Variants in COTL1 observed in about 807,000 individuals in gnomAD.
COTL1 encodes the protein coactosin like F-actin binding protein 1.
COTL1 carries 15 observed loss-of-function variants against 16.5 expected under a neutral mutation model. That is an observed-to-expected ratio of 0.91 (90% CI 0.61 to 1.40). COTL1 has a LOEUF of 1.40. Ranked by LOEUF, COTL1 falls within the 40% of genes most tolerant of loss-of-function variation. The pLI is 0.00. For synonymous variants in COTL1, 112 were observed against 85.3 expected (o/e 1.31, Z -1.73); for missense variants, 220 against 201.5 (o/e 1.09, Z -0.56).
chr16:84,617,127 C>T (rs1905507170), intron 2 of COTL1, among the ~76,000 whole-genome samples: 1 of 152,094 alleles, frequency 6.6e-6, no homozygotes, highest in South Asian at 2.1e-4. Context: ...AAGCAGCCCC[C>T]TAGCCTGTTC....
At chr16:84,570,833 C>G (rs1234535794) in intron 3 of COTL1, among the ~76,000 whole-genome samples, 1 of 152,208 alleles carries the variant, frequency 6.6e-6, no homozygotes, top group African/African-American at 2.4e-5. Flanking sequence ...GGTTAGAAAG[C>G]AAGTGTCTTA....
At chr16:84,606,801 C>T (rs1905219860) in intron 2 of COTL1, among the ~76,000 whole-genome samples, 1 of 152,214 alleles carries the variant, frequency 6.6e-6, no homozygotes, top group South Asian at 2.1e-4. Context: ...CTCCATGTTC[C>T]TCTTAGGGTC....
chr16:84,591,911 G>C (rs995184890), intron 2 of COTL1, among the ~76,000 whole-genome samples: 4 of 151,168 alleles, frequency 2.6e-5, no homozygotes, highest in African/African-American at 7.3e-5. Flanking sequence ...TGTGTGCATT[G>C]CATGTGTGTG....
chr16:84,593,144 A>G (rs1233155686), intron 2 of COTL1, among the ~76,000 whole-genome samples: 1 of 152,256 alleles, frequency 6.6e-6, no homozygotes, highest in East Asian at 1.9e-4. Context: ...CAGACTCTCA[A>G]CACGAGGCCA....
At chr16:84,580,449 C>T (rs1193574025) in intron 3 of COTL1, among the ~76,000 whole-genome samples, 4 of 152,262 alleles carry the variant, frequency 2.6e-5, no homozygotes, top group South Asian at 2.1e-4. Flanking sequence ...CAGGGTCTCA[C>T]TATATTGCCC....
chr16:84,586,951 G>C (rs770738411), intron 3 of COTL1, among the ~76,000 whole-genome samples: 3 of 152,170 alleles, frequency 2.0e-5, no homozygotes, highest in Non-Finnish European at 2.9e-5. Context: ...CTGCAATGTG[G>C]TGCCCCGTGT....
intron 3 of COTL1, among the ~76,000 whole-genome samples, chr16:84,585,583 G>C (rs1904700927): frequency 6.6e-6 from 1 of 152,128 alleles, no homozygotes; most frequent in Non-Finnish European, 1.5e-5. Flanking sequence ...GAAGTGACCT[G>C]GTCCCCAAGA....
chr16:84,586,058 G>A (rs533981966), intron 3 of COTL1, among the ~76,000 whole-genome samples: 1 of 152,312 alleles, frequency 6.6e-6, no homozygotes, highest in Non-Finnish European at 1.5e-5. Context: ...CCTCTTAAGA[G>A]ATTGACGGAC....
intron 2 of COTL1, among the ~76,000 whole-genome samples, chr16:84,606,744 G>A (rs1905218541): frequency 1.3e-5 from 2 of 152,190 alleles, no homozygotes; most frequent in Admixed American, 6.5e-5. Flanking sequence ...CAACCAATGG[G>A]GGATAAGAGT....
At chr16:84,587,987 G>C (rs1476189646) in intron 3 of COTL1, among the ~76,000 whole-genome samples, 1 of 151,970 alleles carries the variant, frequency 6.6e-6, no homozygotes. Flanking sequence ...GGCCAGGCTG[G>C]TCTCAAACTC....
In COTL1 at chr16:84,598,657, A is replaced by ACG. The variant is rs1555523933; in HGVS notation, c.161-8396_161-8395insCG. Among the ~76,000 whole-genome samples, 1,106 of 137,994 alleles carry ACG rather than the reference A, an allele frequency of 8.0e-3. 18 individuals carry two copies. Among genetic ancestry groups the ACG allele is most frequent in the African/African-American group, 0.028 (1,041 of 36,952 alleles). The allele number at this position is 137,994 out of a possible 152,430, so 90.5% of individuals were successfully genotyped here. A position where few individuals can be genotyped will look rare whatever the true frequency, so the allele number is the denominator to read the frequency against. The stretch of plus-strand genomic sequence containing the variant: ...CCTCCTCCTCCCCTTCTCCCCCCCA[A>ACG]CCCCCCCCACCAACCCCGACCTCTC... On this transcript the variant is annotated intron_variant, in intron 2 of 3. Transcript: ENST00000262428.
At chr16:84,581,955 C>T (rs1904603949) in intron 3 of COTL1, among the ~76,000 whole-genome samples, 1 of 151,228 alleles carries the variant, frequency 6.6e-6, no homozygotes. Context: ...CACAAAGAGC[C>T]TACATGAGCA....
At chr16:84,587,103 C>T (rs1424985956) in intron 3 of COTL1, among the ~76,000 whole-genome samples, 1 of 152,152 alleles carries the variant, frequency 6.6e-6, no homozygotes, top group Non-Finnish European at 1.5e-5. Context: ...CCTGCTGCCA[C>T]TCGGAAGACC....
intron 3 of COTL1, among the ~76,000 whole-genome samples, chr16:84,582,796 CA>C (rs1267501819): frequency 1.3e-5 from 2 of 152,120 alleles, no homozygotes; most frequent in African/African-American, 4.8e-5. Flanking sequence ...TAAGTGAAAA[CA>C]CAGAAATTCT....
intron 2 of COTL1, among the ~76,000 whole-genome samples, chr16:84,603,992 G>T (rs1014038803): frequency 9.4e-5 from 1 of 10,632 alleles, no homozygotes; most frequent in Non-Finnish European, 1.7e-4. Context: ...CTCCCTCCCT[G>T]ATGGCCCCCA....
intron 2 of COTL1, among the ~76,000 whole-genome samples, chr16:84,593,377 G>C (rs1179680309): frequency 2.6e-5 from 4 of 152,268 alleles, no homozygotes; most frequent in African/African-American, 9.6e-5. Flanking sequence ...GAGACCCCGA[G>C]GGGTGAGGGC....
rs188890951 is a variant in COTL1, at chr16:84,570,399, G to A, written c.319-3444C>T. Reference sequence around the variant, plus strand: ...TCAAATTATAATGAAACAAAAACAAGCAAAACAGACAGCAGATCTAGTAAA... The same window carrying A: ...TCAAATTATAATGAAACAAAAACAAACAAAACAGACAGCAGATCTAGTAAA... On this transcript the variant is annotated intron_variant, in intron 3 of 3. Coordinates refer to ENST00000262428, the MANE Select transcript of COTL1 (RefSeq NM_021149.5). 2.0e-3 allele frequency among the ~76,000 whole-genome samples: 304 copies of A among 151,360 alleles called. 2 individuals carry two copies. Among genetic ancestry groups the A allele is most frequent in the Admixed American group, 3.0e-3 (46 of 15,170 alleles).
In COTL1 at chr16:84,584,932, A is replaced by C. The variant is rs189450827; in HGVS notation, c.318+5173T>G. ...AGTGATGGAGCTGAAATTTGAACCC[A>C]CGCCATCTGGCTCCAAAGTCCACCG... On this transcript the variant is annotated intron_variant, in intron 3 of 3. Coordinates refer to ENST00000262428, the MANE Select transcript of COTL1 (RefSeq NM_021149.5). 3.8e-3 allele frequency among the ~76,000 whole-genome samples: 580 copies of C among 151,954 alleles called. 1 individual carries two copies. The highest frequency in any genetic ancestry group is 0.013 in the African/African-American group (547 of 41,418).
chr16:84,574,000 A>G (rs897072010), intron 3 of COTL1, among the ~76,000 whole-genome samples: 2 of 152,032 alleles, frequency 1.3e-5, no homozygotes, highest in African/African-American at 4.8e-5. Context: ...ACAAATAATA[A>G]TAATAATAAT....
Sources: allele counts gnomAD v4.1 joint callset (sites outside exome capture counted in the v4.1 genomes callset), GRCh38; gene constraint gnomAD v4.1.1; transcripts MANE v1.5; gene names NCBI Gene and HGNC (gene_info 2026-07-23, HGNC 2026-07-21).